The following FHIP2B variants were observed in gnomAD, a reference collection of about 807,000 sequenced individuals.
FHIP2B encodes FHF complex subunit HOOK interacting protein 2B, also known as FHF complex subunit HOOK-interacting protein 2B.
Under a neutral mutation model 84.0 loss-of-function variants are expected in FHIP2B, and 72 were observed. The ratio of observed to expected loss-of-function variants is 0.86; its 90% confidence interval spans 0.71 to 1.04. The LOEUF is 1.04. Among genes scored for constraint, FHIP2B ranks in the 50% least tolerant of loss-of-function variants. The pLI is 0.00. For missense variants in FHIP2B, 972 were observed against 968.9 expected (o/e 1.00, Z -0.04); for synonymous variants, 497 against 418.7 (o/e 1.19, Z -2.28).
At chr8:22,090,712 C>T (rs1485334468) in intron 1 of FHIP2B, among the ~76,000 whole-genome samples, 1 of 152,224 alleles carries the variant, frequency 6.6e-6, no homozygotes, top group Middle Eastern at 3.2e-3. Context: ...GCAGCCTCCA[C>T]CTCCTGGGCT....
chr8:22,092,966 TAGTC>T lies in FHIP2B; in HGVS notation c.46-1472_46-1469del, dbSNP rs1454122987. Among the ~76,000 whole-genome samples, 46 of 152,208 alleles carry T rather than the reference TAGTC, an allele frequency of 3.0e-4. 1 individual carries two copies. The highest frequency in any genetic ancestry group is 7.3e-5 in the Non-Finnish European group (5 of 68,042). On this transcript the variant is annotated intron_variant, in intron 1 of 16. Transcript: ENST00000289921. ...GACACATTTCTTGAGGACTAGGTGT[TAGTC>T]ATCCTCATGTTGCTTGTGGCATCTA...
At position 22,096,431 on chromosome 8, in the gene FHIP2B, G is replaced by T; in HGVS notation, c.219G>T (p.Ala73=). The stretch of plus-strand genomic sequence containing the variant: ...ATGAAGAGCAGCAGCAGGCGGCCGC[G>T]GGTGAGGCAGGGCCCTGCCTGGAGT... ...LVYEEQQQAA[A]GEAGPCLEYL... is the part of the protein sequence containing the mutation. Residue 73 remains alanine, a synonymous_variant, in exon 3 of 17, where the codon GCG becomes GCT. Coordinates refer to ENST00000289921, the MANE Select transcript of FHIP2B (RefSeq NM_022749.7). The T allele has an allele frequency of 6.4e-7, 1 of 1,555,824 alleles. No homozygotes were observed. The highest frequency in any genetic ancestry group is 2.4e-5 in the East Asian group (1 of 41,278).
intron 2 of FHIP2B, chr8:22,095,230 C>G (rs191387935): frequency 6.6e-6 from 1 of 152,288 alleles, no homozygotes; most frequent in Non-Finnish European, 1.5e-5. Flanking sequence ...CTTTCCAGCC[C>G]GGGCCAGCCC....
At chr8:22,096,573 C>T (rs902581133) in intron 3 of FHIP2B, 64 bp downstream of exon 3, 23 of 1,428,574 alleles carry the variant, frequency 1.6e-5, no homozygotes, top group African/African-American at 5.8e-5. Context: ...TTGGCCAGGC[C>T]GAGGTGGGAG....
intron 1 of FHIP2B, among the ~76,000 whole-genome samples, chr8:22,091,535 C>T (rs1825492573): frequency 1.3e-5 from 2 of 152,200 alleles, no homozygotes; most frequent in Non-Finnish European, 2.9e-5. Context: ...TGAGCCACCA[C>T]CATGTCTGGC....
At chr8:22,089,721 GA>G in intron 1 of FHIP2B, 1 of 1,231,766 alleles carries the variant, frequency 8.1e-7, no homozygotes, top group Admixed American at 2.4e-5. Flanking sequence ...GCCTGGGCTT[GA>G]AAAAATCGCC....
At position 22,103,225 on chromosome 8, in the gene FHIP2B, T is replaced by C; in HGVS notation, c.*294T>C. On this transcript the variant is annotated 3_prime_UTR_variant, in exon 17 of 17. Transcript: ENST00000289921. ...CCCAGACCCTCATGTGCTGTGTGCC[T>C]GGCCCCTTCTGTACTGGCCATTTGT... 2.3e-6 allele frequency: 1 copy of C among 426,080 alleles called. No individual in the cohort carries two copies. Among genetic ancestry groups the C allele is most frequent in the East Asian group, 4.7e-5 (1 of 21,380 alleles). 26.4% of individuals were successfully genotyped at this position (426,080 alleles called of 1,614,324 possible). A position where few individuals can be genotyped will look rare whatever the true frequency, so the allele number is the denominator to read the frequency against.
At position 22,098,282 on chromosome 8, in the gene FHIP2B, C is replaced by T. The variant is rs1484463972; in HGVS notation, c.740C>T (p.Thr247Ile). The T allele has an allele frequency of 1.9e-6, 3 of 1,578,938 alleles. No homozygotes were observed. Among genetic ancestry groups the T allele is most frequent in the South Asian group, 2.3e-5 (2 of 86,534 alleles). Residue 247 changes from threonine to isoleucine, a missense_variant, in exon 6 of 17, where the codon ACC becomes ATC. By Grantham distance (89) the Thr-to-Ile change is moderately conservative (BLOSUM62 -1). Coordinates refer to ENST00000289921, the MANE Select transcript of FHIP2B (RefSeq NM_022749.7). The stretch of plus-strand genomic sequence containing the variant: ...GGGACCACAGAGAGCAACCTGATTA[C>T]CTCCCTGCTTGGGCTGTGCCAGAGC... Reference protein sequence around the residue: ...DGGTTESNLITSLLGLCQSKK... With the variant: ...DGGTTESNLIISLLGLCQSKK...
At chr8:22,097,929 C>T (rs1825870046) in intron 5 of FHIP2B, 90 bp downstream of exon 5, 5 of 1,566,988 alleles carry the variant, frequency 3.2e-6, no homozygotes, top group Non-Finnish European at 4.3e-6. Flanking sequence ...AAGCAGAGAT[C>T]AGGTACCCGG....
At chr8:22,099,615 C>G in intron 9 of FHIP2B, 89 bp from the exon 10 acceptor site, 1 of 1,414,824 alleles carries the variant, frequency 7.1e-7, no homozygotes, top group Non-Finnish European at 9.5e-7. Context: ...ACCAGCCAAA[C>G]ATGCGAGGCA....
In FHIP2B at chr8:22,097,795, T is replaced by A. The variant is rs1382563212; in HGVS notation, c.481T>A (p.Ser161Thr). ...GGTGCAGTTCACCACCGTCCTCTGC[T>A]CCAAGATCCAGCAGGACCCAGAGCT... ...EEVQFTTVLC[S>T]KIQQDPELLA... is the part of the protein sequence containing the mutation. Residue 161 changes from serine (S) to threonine (T), a missense_variant, in exon 5 of 17, where the codon TCC (serine) becomes ACC (threonine). By Grantham distance (58) the Ser-to-Thr change is moderately conservative. Coordinates refer to ENST00000289921, the MANE Select transcript of FHIP2B (RefSeq NM_022749.7). 1.2e-6 allele frequency: 2 copies of A among 1,613,290 alleles called. No homozygotes were observed.
At chr8:22,101,108 C>T (rs1586344147) in intron 12 of FHIP2B, 136 bp downstream of exon 12, 32 of 1,204,326 alleles carry the variant, frequency 2.7e-5, no homozygotes, top group South Asian at 2.0e-4. Context: ...CTCCACCTCC[C>T]GGGTTCCGGA....
At chr8:22,098,762 A>C in intron 7 of FHIP2B, 143 bp downstream of exon 7, 1 of 1,034,984 alleles carries the variant, frequency 9.7e-7, no homozygotes, top group Non-Finnish European at 1.4e-6. Context: ...GCTGATCCCC[A>C]GGGGACTTCT....
intron 15 of FHIP2B, 91 bp from the exon 16 acceptor site, chr8:22,102,437 A>G: frequency 6.6e-7 from 1 of 1,526,358 alleles, no homozygotes; most frequent in South Asian, 1.2e-5. Context: ...CAGGGAAAGC[A>G]CAGTCTCCCA....
Position 22,099,780 on chromosome 8 carries a change from C to G in FHIP2B, c.1228C>G (p.Arg410Gly). Residue 410 changes from arginine (R) to glycine (G), a missense_variant, in exon 10 of 17, where the codon CGG becomes GGG. By Grantham distance (125) the Arg-to-Gly change is moderately radical (BLOSUM62 -2). Coordinates refer to ENST00000289921, the MANE Select transcript of FHIP2B (RefSeq NM_022749.7). Reference protein sequence around the residue: ...LRQLRSPALLREAVAFLLGTD... With the variant: ...LRQLRSPALLGEAVAFLLGTD... ...CCAGCTTCGCTCCCCTGCGCTGCTG[C>G]GGGAGGCCGTGGCTTTCCTCCTGGG... 4 of 1,612,230 alleles carry G rather than the reference C, an allele frequency of 2.5e-6. No homozygotes were observed. The highest frequency in any genetic ancestry group is 3.4e-6 in the Non-Finnish European group (4 of 1,179,688).
intron 1 of FHIP2B, among the ~76,000 whole-genome samples, chr8:22,091,182 G>A (rs916112491): frequency 1.3e-5 from 2 of 149,962 alleles, no homozygotes; most frequent in South Asian, 4.3e-4. Flanking sequence ...TACTCATTGA[G>A]TAGGAAGACT....
Position 22,093,708 on chromosome 8 carries a change from C to CTTTTTTTTTTTT in FHIP2B, c.46-717_46-706dup, listed in dbSNP as rs59841460. ...ATTGAGAGGAATGGAAAAGCTTTGT[C>CTTTTTTTTTTTT]TTTTTTTTTTTTTTTTTTTTTTTTT... On this transcript the variant is annotated intron_variant, in intron 1 of 16. Coordinates refer to ENST00000289921, the MANE Select transcript of FHIP2B (RefSeq NM_022749.7). Among the ~76,000 whole-genome samples, 543 of 66,432 alleles carry CTTTTTTTTTTTT rather than the reference C, an allele frequency of 8.2e-3. 132 individuals carry two copies. The highest frequency in any genetic ancestry group is 9.8e-3 in the African/African-American group (155 of 15,816). The allele number at this position is 66,432 out of a possible 152,430, so 43.6% of individuals were successfully genotyped here.
At chr8:22,100,408 C>A (rs1826038182) in intron 10 of FHIP2B, 186 bp from the exon 11 acceptor site, 3 of 521,658 alleles carry the variant, frequency 5.8e-6, no homozygotes, top group Non-Finnish European at 9.4e-6. Flanking sequence ...ATACCAGGGA[C>A]CACCCAGACT....
Position 22,102,560 on chromosome 8 carries a change from G to T in FHIP2B, c.2025G>T (p.Arg675Ser). 1 of 1,562,302 alleles carries T rather than the reference G, an allele frequency of 6.4e-7. No homozygotes were observed. The highest frequency in any genetic ancestry group is 1.2e-5 in the South Asian group (1 of 84,756). The change falls in exon 16 of 17, where the codon AGG (arginine) becomes AGT (serine). Residue 675 changes from arginine (R) to serine (S), a missense_variant. Coordinates refer to ENST00000289921, the MANE Select transcript of FHIP2B (RefSeq NM_022749.7). ...GGGACTTGATGCAGAGAATCCAGAG[G>T]GTACCCCAGTTCCCAGGCAAGCTGC... ...VIGDLMQRIQ[R>S]VPQFPGKLLL...
Sources: gnomAD v4.1 joint callset for allele counts (sites outside exome capture counted in the v4.1 genomes callset) on GRCh38, gnomAD v4.1.1 for gene constraint, MANE v1.5 for transcripts, NCBI Gene and HGNC (gene_info 2026-07-23, HGNC 2026-07-21) for gene names.